The following MNAT1 variants were observed in gnomAD, a reference collection of about 807,000 sequenced individuals.
MNAT1 encodes the protein CDK-activating kinase assembly factor MAT1.
In MNAT1, 43 loss-of-function variants were observed where a neutral mutation model predicts 42.0. That is an observed-to-expected ratio of 1.02 (90% CI 0.80 to 1.32). MNAT1 has a LOEUF of 1.32. Ranked by LOEUF, MNAT1 falls within the 40% of genes most tolerant of loss-of-function variation. The pLI, the probability that MNAT1 is intolerant of heterozygous loss-of-function variation, is 0.00. For missense variants in MNAT1, 306 were observed against 350.4 expected (o/e 0.87, Z 1.01); for synonymous variants, 118 against 120.0 (o/e 0.98, Z 0.11).
chr14:60,793,569 A>C (rs1021528628), intron 1 of MNAT1, among the ~76,000 whole-genome samples: 42 of 151,958 alleles, frequency 2.8e-4, no homozygotes, highest in Admixed American at 2.6e-3. Context: ...GGAGGGATCT[A>C]GCCATGTTGT....
chr14:60,852,318 C>T (rs538865179), intron 6 of MNAT1, among the ~76,000 whole-genome samples: 18 of 152,252 alleles, frequency 1.2e-4, no homozygotes, highest in African/African-American at 4.3e-4. Flanking sequence ...TTGTTGGCTG[C>T]ATAAATGTCT....
rs184304476 is a variant in MNAT1 at position 60,767,530 on chromosome 14, C to T, written c.90-28687C>T. ...CAAGTGGTAATTATATCTGTGAGAC[C>T]CTTCCGGGTTTTCTAATTGATCTTG... On this transcript the variant is annotated intron_variant, in intron 1 of 7. Transcript: ENST00000261245. 2.7e-4 allele frequency among the ~76,000 whole-genome samples: 41 copies of T among 151,818 alleles called. 1 individual carries two copies. The highest frequency in any genetic ancestry group is 9.9e-4 in the African/African-American group (41 of 41,410).
At chr14:60,825,331 C>T (rs1261904973) in intron 6 of MNAT1, among the ~76,000 whole-genome samples, 3 of 152,130 alleles carry the variant, frequency 2.0e-5, no homozygotes, top group Non-Finnish European at 2.9e-5. Context: ...CAATTTTTTA[C>T]TGAATGTGGA....
chr14:60,898,424 G>T (rs2035006778), intron 7 of MNAT1, among the ~76,000 whole-genome samples: 1 of 152,034 alleles, frequency 6.6e-6, no homozygotes, highest in Non-Finnish European at 1.5e-5. Flanking sequence ...ACCAGCATGT[G>T]TAATTTTTTG....
At chr14:60,743,305 T>C (rs1210468460) in intron 1 of MNAT1, among the ~76,000 whole-genome samples, 1 of 152,158 alleles carries the variant, frequency 6.6e-6, no homozygotes, top group Non-Finnish European at 1.5e-5. Flanking sequence ...CTTTTTTTTT[T>C]TGAGACGGAG....
chr14:60,799,969 G>A (rs2032151060), intron 3 of MNAT1, among the ~76,000 whole-genome samples: 2 of 151,984 alleles, frequency 1.3e-5, no homozygotes, highest in African/African-American at 4.8e-5. Flanking sequence ...GCAGTATCGG[G>A]AAACTCTCTT....
At chr14:60,879,860 T>G in intron 7 of MNAT1, 25 bp downstream of exon 7, 1 of 1,604,276 alleles carries the variant, frequency 6.2e-7, no homozygotes, top group Non-Finnish European at 8.5e-7. Context: ...GAACTTTACA[T>G]TGAGGAGCTG....
At chr14:60,752,795 C>T (rs1007305336) in intron 1 of MNAT1, among the ~76,000 whole-genome samples, 4 of 152,208 alleles carry the variant, frequency 2.6e-5, no homozygotes, top group East Asian at 1.9e-4. Flanking sequence ...GATGGAGTCT[C>T]ACTCTGTTGC....
At chr14:60,810,299 T>A (rs1185096422) in intron 4 of MNAT1, among the ~76,000 whole-genome samples, 1 of 152,088 alleles carries the variant, frequency 6.6e-6, no homozygotes, top group African/African-American at 2.4e-5. Context: ...ATTTTGTTAA[T>A]TTTTTCTGTT....
rs186066837 is a variant in MNAT1, at chr14:60,869,832, G to A, written c.688-9882G>A. 7.2e-4 allele frequency among the ~76,000 whole-genome samples: 110 copies of A among 151,990 alleles called. 1 individual carries two copies. The highest frequency in any genetic ancestry group is 4.6e-3 in the Admixed American group (70 of 15,272). ...ATAATAATGTATTTTCTTTAATAGT[G>A]TTATTCTAAATGGTTTGTTGCATTC... On this transcript the variant is annotated intron_variant, in intron 6 of 7. Coordinates refer to ENST00000261245, the MANE Select transcript of MNAT1 (RefSeq NM_002431.4).
chr14:60,813,466 G>C (rs1415579603), intron 5 of MNAT1, among the ~76,000 whole-genome samples: 1 of 152,138 alleles, frequency 6.6e-6, no homozygotes, highest in Non-Finnish European at 1.5e-5. Flanking sequence ...TGTTGGCTCA[G>C]GGTTACAAGA....
At chr14:60,755,472 A>G (rs930276832) in intron 1 of MNAT1, among the ~76,000 whole-genome samples, 2 of 152,132 alleles carry the variant, frequency 1.3e-5, no homozygotes, top group South Asian at 4.1e-4. Flanking sequence ...AGACAGGGTC[A>G]GGCTTTGTTG....
intron 1 of MNAT1, among the ~76,000 whole-genome samples, chr14:60,744,005 TC>T (rs1168417145): frequency 6.6e-6 from 1 of 152,206 alleles, no homozygotes; most frequent in Non-Finnish European, 1.5e-5. Flanking sequence ...TTTCTTTAGT[TC>T]TTTGAATGCA....
intron 1 of MNAT1, among the ~76,000 whole-genome samples, chr14:60,752,121 G>A (rs1164247609): frequency 6.6e-6 from 1 of 151,724 alleles, no homozygotes; most frequent in Non-Finnish European, 1.5e-5. Context: ...TCATATTTTG[G>A]TACTGTTTCA....
chr14:60,895,810 G>A (rs565098014), intron 7 of MNAT1, among the ~76,000 whole-genome samples: 5 of 152,140 alleles, frequency 3.3e-5, no homozygotes, highest in Admixed American at 1.3e-4. Flanking sequence ...TCTCGTTTCC[G>A]TTTTCCAATA....
chr14:60,942,062 A>T (rs1461719915), intron 7 of MNAT1, among the ~76,000 whole-genome samples: 1 of 149,100 alleles, frequency 6.7e-6, no homozygotes, highest in East Asian at 2.0e-4. Context: ...TTCTCTATTC[A>T]AAGTTAGGGA....
chr14:60,772,964 T>A (rs1248638544), intron 1 of MNAT1, among the ~76,000 whole-genome samples: 1 of 150,780 alleles, frequency 6.6e-6, no homozygotes, highest in Non-Finnish European at 1.5e-5. Flanking sequence ...AGACAGAGTC[T>A]CTCTCTGTCG....
At chr14:60,768,255 T>C (rs1308317531) in intron 1 of MNAT1, among the ~76,000 whole-genome samples, 6 of 152,198 alleles carry the variant, frequency 3.9e-5, no homozygotes, top group African/African-American at 1.4e-4. Flanking sequence ...GTTGAGTGTA[T>C]AATATTATTG....
intron 6 of MNAT1, among the ~76,000 whole-genome samples, chr14:60,864,956 CTGT>C (rs1247293720): frequency 6.6e-6 from 1 of 151,986 alleles, no homozygotes; most frequent in African/African-American, 2.4e-5. Flanking sequence ...ACTACTCCTT[CTGT>C]TGTTAAATGA....
Sources: gnomAD v4.1 joint callset for allele counts (sites outside exome capture counted in the v4.1 genomes callset) on GRCh38, gnomAD v4.1.1 for gene constraint, MANE v1.5 for transcripts, NCBI Gene and HGNC (gene_info 2026-07-23, HGNC 2026-07-21) for gene names.